The following CDKL3 variants were observed in gnomAD, a reference collection of about 807,000 sequenced individuals.
CDKL3 encodes cyclin-dependent kinase-like 3.
Under a neutral mutation model 69.3 loss-of-function variants are expected in CDKL3, and 65 were observed. The ratio of observed to expected loss-of-function variants is 0.94; its 90% CI spans 0.77 to 1.15. The LOEUF is 1.15. Among genes scored for constraint, CDKL3 ranks in the 50% most tolerant of loss-of-function variants. CDKL3 has a pLI of 0.00. For missense variants in CDKL3, 652 were observed against 689.2 expected (o/e 0.95, Z 0.61); for synonymous variants, 202 against 221.6 (o/e 0.91, Z 0.79).
chr5:134,329,874 G>A (rs1485075193), intron 4 of CDKL3, among the ~76,000 whole-genome samples: 2 of 151,928 alleles, frequency 1.3e-5, no homozygotes, highest in African/African-American at 4.8e-5. Context: ...GCCGGGCATG[G>A]TGGCACACAC....
intron 3 of CDKL3, among the ~76,000 whole-genome samples, chr5:134,355,983 G>A (rs1754511577): frequency 6.6e-6 from 1 of 152,146 alleles, no homozygotes; most frequent in Non-Finnish European, 1.5e-5. Flanking sequence ...ACCAGGCTGG[G>A]GGATGGTTTC....
chr5:134,312,023 A>G (rs1009041000), intron 7 of CDKL3, among the ~76,000 whole-genome samples: 1 of 152,034 alleles, frequency 6.6e-6, no homozygotes, highest in African/African-American at 2.4e-5. Context: ...CGTGAACTCC[A>G]GGGCTCAAGC....
chr5:134,308,509 T>C (rs1375634684), intron 8 of CDKL3, 43 bp from the exon 9 acceptor site: 11 of 1,555,818 alleles, frequency 7.1e-6, no homozygotes, highest in Non-Finnish European at 7.8e-6. Context: ...ATAACAGTTA[T>C]TTTTGTCATT....
upstream of CDKL3, among the ~76,000 whole-genome samples, chr5:134,368,336 C>T (rs1757907203): frequency 6.6e-6 from 1 of 152,098 alleles, no homozygotes; most frequent in South Asian, 2.1e-4. Context: ...GAAGGTTATT[C>T]AGACGGGCGC....
In CDKL3 at chr5:134,308,669, T is replaced by C. The variant is rs1206971648; in HGVS notation, c.940A>G (p.Lys314Glu). 2 of 1,607,866 alleles carry C rather than the reference T, an allele frequency of 1.2e-6. No individual in the cohort carries two copies. ...LQEAKVNSLI[K>E]PKESSKENEL... ...TTTTCTTTAGAACTCTCTTTTGGCTTTATTAATGAATTGACTTTTGCTTCC... is the reference window on the plus strand; with the variant it reads ...TTTTCTTTAGAACTCTCTTTTGGCTCTATTAATGAATTGACTTTTGCTTCC... The change falls in exon 8 of 13, where the codon AAG becomes GAG. Residue 314 changes from lysine to glutamate, a missense_variant. Lys to Glu is a moderately conservative substitution (Grantham distance 56). Transcript: ENST00000265334.
In CDKL3 at chr5:134,302,669, A is replaced by T; in HGVS notation, c.1640T>A (p.Leu547Gln). The stretch of plus-strand genomic sequence containing the variant: ...CTCTGTTTTCTTTGACTCCCTCTTC[A>T]GCATTTTTATCTGTTTAACTTTTGC... The part of the protein sequence containing the change: ...KGMEVKQIKM[L>Q]KRESKKTESS... Residue 547 changes from leucine to glutamine, a missense_variant, in exon 12 of 13, where the codon CTG becomes CAG. By Grantham distance (113) the Leu-to-Gln change is moderately radical (BLOSUM62 -2). Coordinates refer to ENST00000265334, the MANE Select transcript of CDKL3 (RefSeq NM_001113575.2). The T allele has an allele frequency of 6.3e-7, 1 of 1,594,202 alleles. No homozygotes were observed. The highest frequency in any genetic ancestry group is 8.6e-7 in the Non-Finnish European group (1 of 1,167,872).
chr5:134,302,490 A>G (rs934564882), intron 12 of CDKL3, 100 bp downstream of exon 12: 3 of 660,884 alleles, frequency 4.5e-6, no homozygotes, highest in Non-Finnish European at 7.8e-6. Flanking sequence ...AAAATTTTGA[A>G]TTTTTATATA....
intron 3 of CDKL3, among the ~76,000 whole-genome samples, chr5:134,353,712 A>G (rs1405044233): frequency 6.6e-6 from 1 of 152,050 alleles, no homozygotes; most frequent in African/African-American, 2.4e-5. Context: ...GGCATGCGCC[A>G]CCATGCCCAG....
At chr5:134,292,047 T>C (rs1319001192) in intron 8 of CDKL3, among the ~76,000 whole-genome samples, 1 of 152,192 alleles carries the variant, frequency 6.6e-6, no homozygotes, top group Non-Finnish European at 1.5e-5. Flanking sequence ...TTCAACAGTC[T>C]TCCCTCAGCA....
chr5:134,369,542 T>C (rs1415263770), upstream of CDKL3, among the ~76,000 whole-genome samples: 1 of 152,192 alleles, frequency 6.6e-6, no homozygotes, highest in Non-Finnish European at 1.5e-5. Context: ...CCCTGAATTC[T>C]GTCTCTGCTT....
chr5:134,302,202 G>C (rs1007637703), intron 12 of CDKL3: 6 of 456,696 alleles, frequency 1.3e-5, no homozygotes, highest in Admixed American at 4.7e-5. Context: ...GCAGAGATAA[G>C]GGAATAAACT....
In CDKL3 at chr5:134,366,540, T is replaced by C; in HGVS notation, c.-17A>G. On this transcript the variant is annotated 5_prime_UTR_variant, in exon 2 of 13. Transcript: ENST00000265334. Reference sequence around the variant, plus strand: ...CATCTCCATTTTCAAGCTGGGCTTTTACTACTTTATAGAAATAAAGAAAGA... The same window carrying C: ...CATCTCCATTTTCAAGCTGGGCTTTCACTACTTTATAGAAATAAAGAAAGA... The C allele has an allele frequency of 6.4e-7, 1 of 1,569,612 alleles. No homozygotes were observed. The highest frequency in any genetic ancestry group is 8.6e-7 in the Non-Finnish European group (1 of 1,156,576).
intron 2 of CDKL3, among the ~76,000 whole-genome samples, chr5:134,365,107 G>A (rs1386306519): frequency 1.3e-5 from 2 of 151,162 alleles, no homozygotes; most frequent in African/African-American, 2.4e-5. Context: ...CTCAGCCTCC[G>A]CAGTAGCTGG....
upstream of CDKL3, among the ~76,000 whole-genome samples, chr5:134,370,263 G>A (rs894610636): frequency 6.6e-6 from 1 of 152,172 alleles, no homozygotes; most frequent in African/African-American, 2.4e-5. Context: ...AAGTCCTGAA[G>A]GTAGGAATTG....
upstream of CDKL3, among the ~76,000 whole-genome samples, chr5:134,367,902 A>G (rs1416008865): frequency 6.6e-6 from 1 of 152,248 alleles, no homozygotes; most frequent in Non-Finnish European, 1.5e-5. Context: ...GTTCAACTGG[A>G]ATGACAGTCC....
intron 2 of CDKL3, among the ~76,000 whole-genome samples, chr5:134,364,614 C>A (rs1756933802): frequency 6.6e-6 from 1 of 151,838 alleles, no homozygotes; most frequent in Admixed American, 6.6e-5. Flanking sequence ...TGGGTTCAAG[C>A]AATTCTTCTG....
upstream of CDKL3, chr5:134,371,605 C>T (rs373518433): frequency 3.7e-6 from 6 of 1,612,890 alleles, no homozygotes; most frequent in African/African-American, 2.7e-5. Flanking sequence ...CATGTCGACC[C>T]CGGCCCGGAG....
intron 9 of CDKL3, among the ~76,000 whole-genome samples, chr5:134,307,047 G>A (rs1768076955): frequency 6.6e-6 from 1 of 152,094 alleles, no homozygotes; most frequent in African/African-American, 2.4e-5. Flanking sequence ...GAGCCACCAT[G>A]CCCGGCCGAA....
At chr5:134,289,928 T>A (rs1765047701) in intron 8 of CDKL3, among the ~76,000 whole-genome samples, 1 of 152,216 alleles carries the variant, frequency 6.6e-6, no homozygotes, top group South Asian at 2.1e-4. Context: ...TCTTCTGTTT[T>A]TTTTCCTCAA....
Sources: allele counts gnomAD v4.1 joint callset (sites outside exome capture counted in the v4.1 genomes callset), GRCh38; gene constraint gnomAD v4.1.1; transcripts MANE v1.5; gene names NCBI Gene and HGNC (gene_info 2026-07-23, HGNC 2026-07-21).